Variants in ATP2C1 observed in about 807,000 individuals in gnomAD.
The protein encoded by ATP2C1 is ATPase secretory pathway Ca2+ transporting 1.
ATP2C1 carries 31 observed loss-of-function variants against 120.5 expected under a neutral mutation model. The observed-to-expected ratio is 0.26, with a 90% confidence interval of 0.19 to 0.35. The LOEUF (loss-of-function observed/expected upper bound fraction) is 0.35. Ranked by LOEUF, ATP2C1 falls within the 10% of genes least tolerant of loss-of-function variation. ATP2C1 has a pLI of 1.00. For missense variants in ATP2C1, 731 were observed against 1,107.5 expected, an observed-to-expected ratio of 0.66 and a Z score of 4.83; for synonymous variants, 351 against 358.7, an observed-to-expected ratio of 0.98 and a Z score of 0.24.
intron 1 of ATP2C1, among the ~76,000 whole-genome samples, chr3:130,869,713 A>G (rs1606489): frequency 0.45 from 69,191 of 152,172 alleles, 18,693 homozygotes; most frequent in Non-Finnish European, 0.6. Context: ...ATTCAGAGTA[A>G]GTCTCTAACT....
chr3:130,979,353 C>G lies in ATP2C1; in HGVS notation c.1675C>G (p.Leu559Val). 1 of 1,613,746 alleles carries G rather than the reference C, an allele frequency of 6.2e-7. No homozygotes were observed. Among genetic ancestry groups the G allele is most frequent in the South Asian group, 1.1e-5 (1 of 91,068 alleles). The change falls in exon 19 of 28, where the codon CTC becomes GTC. Residue 559 changes from leucine to valine, a missense_variant. This residue lies in a region of ATP2C1 where 571 missense variants were observed against 845.9 expected (regional missense o/e 0.67). Transcript: ENST00000510168. ...RTGVKEAVTT[L>V]IASGVSIKMI... Reference sequence around the variant, plus strand: ...TGGTGTGAAAGAAGCTGTTACAACACTCATTGCCTCAGGAGTATCAATAAA... The same window carrying G: ...TGGTGTGAAAGAAGCTGTTACAACAGTCATTGCCTCAGGAGTATCAATAAA...
rs1354471688 is a variant in ATP2C1 at position 130,997,766 on chromosome 3, G to A, written c.2391+13G>A. On this transcript the variant is annotated intron_variant, in intron 25 of 27. Transcript: ENST00000510168. ...CTTCTGGCGTGAGGTATATTCACTG[G>A]CCAAGCTGCTATATTAACATGAATT... is the stretch of plus-strand genomic sequence containing the variant. The A allele has an allele frequency of 1.9e-6, 3 of 1,612,388 alleles. No homozygotes were observed. The Admixed American group carries it at 5.0e-5, about 27-fold the overall frequency.
chr3:130,851,078 A>T, intron 1 of ATP2C1: 1 of 404,012 alleles, frequency 2.5e-6, no homozygotes, highest in Non-Finnish European at 4.3e-6. Flanking sequence ...GCAATCAGAA[A>T]GCAAGCAGGC....
chr3:130,980,705 ACTGAAAGGCCTTATT>A (rs1389615271), intron 20 of ATP2C1, 26 bp downstream of exon 20: 1 of 1,489,272 alleles, frequency 6.7e-7, no homozygotes. Context: ...AGCCTTTTGG[ACTGAAAGGCCTTATT>A]CTAAGTGTTA....
At chr3:130,862,156 T>C (rs2068035205) in intron 1 of ATP2C1, among the ~76,000 whole-genome samples, 1 of 150,280 alleles carries the variant, frequency 6.7e-6, no homozygotes, top group African/African-American at 2.4e-5. Context: ...TTTTTTTTTT[T>C]GTATTTTTAG....
chr3:130,982,048 C>A (rs1190892980), intron 20 of ATP2C1, among the ~76,000 whole-genome samples: 1 of 152,036 alleles, frequency 6.6e-6, no homozygotes, highest in Non-Finnish European at 1.5e-5. Flanking sequence ...TTTTCAATTT[C>A]TTCTTTTATG....
intron 20 of ATP2C1, among the ~76,000 whole-genome samples, chr3:130,987,546 G>T (rs2062079337): frequency 6.6e-6 from 1 of 152,030 alleles, no homozygotes; most frequent in Non-Finnish European, 1.5e-5. Context: ...GCCCAGGTTG[G>T]TCTCAAACTC....
intron 2 of ATP2C1, among the ~76,000 whole-genome samples, chr3:130,905,974 A>G (rs2058102246): frequency 6.6e-6 from 1 of 152,058 alleles, no homozygotes; most frequent in South Asian, 2.1e-4. Flanking sequence ...TTTGTTCTGT[A>G]TGCACAGTTT....
At chr3:130,941,830 A>T in intron 8 of ATP2C1, 131 bp downstream of exon 8, 1 of 803,608 alleles carries the variant, frequency 1.2e-6, no homozygotes, top group East Asian at 2.7e-5. Context: ...AATGTGACAT[A>T]TATAAACTTT....
At chr3:130,862,140 ATTTTTTT>A (rs961006271) in intron 1 of ATP2C1, among the ~76,000 whole-genome samples, 3 of 138,268 alleles carry the variant, frequency 2.2e-5, no homozygotes, top group African/African-American at 7.9e-5. Flanking sequence ...TGCCTGGCTA[ATTTTTTT>A]TTTTTTTTTG....
At chr3:131,015,112 T>C (rs766432405) in intron 26 of ATP2C1, 7 of 613,058 alleles carry the variant, frequency 1.1e-5, no homozygotes, top group African/African-American at 1.9e-5. Context: ...ATTAGTCTTA[T>C]TTGTGTTAGC....
At chr3:130,903,700 C>CCCTTTCCTTTCCTTTCCTTT (rs145176420) in intron 2 of ATP2C1, among the ~76,000 whole-genome samples, 2,042 of 138,596 alleles carry the variant, frequency 0.015, 79 homozygotes, top group African/African-American at 0.054. Flanking sequence ...TTCCCCTTTC[C>CCCTTTCCTTTCCTTTCCTTT]CCTTTCCTTT....
At chr3:130,913,202 T>A (rs543353039) in intron 2 of ATP2C1, among the ~76,000 whole-genome samples, 126 of 150,894 alleles carry the variant, frequency 8.4e-4, no homozygotes, top group African/African-American at 2.9e-3. Context: ...CATATGTAAC[T>A]AACCTGCACA....
In ATP2C1 at chr3:130,894,651, G is replaced by C; in HGVS notation, c.-119G>C. On this transcript the variant is annotated 5_prime_UTR_variant, in exon 2 of 28. Coordinates refer to ENST00000510168, the MANE Select transcript of ATP2C1 (RefSeq NM_001378687.1). This position sits in a 1 kb window ranked among gnomAD's most constrained non-coding sequence, Gnocchi z 4.5. Reference sequence around the variant, plus strand: ...CGCGTGGCCGGGAGCGGGGGTGACAGCCTGGGATTCCGGGGGCTTCTCTTC... The same window carrying C: ...CGCGTGGCCGGGAGCGGGGGTGACACCCTGGGATTCCGGGGGCTTCTCTTC... The C allele has an allele frequency of 1.2e-6, 2 of 1,608,076 alleles. No homozygotes were observed. The highest frequency in any genetic ancestry group is 1.7e-6 in the Non-Finnish European group (2 of 1,176,322).
At chr3:131,014,467 C>T in intron 26 of ATP2C1, 7 of 1,317,620 alleles carry the variant, frequency 5.3e-6, no homozygotes, top group South Asian at 1.5e-5. Context: ...ATAGCTTCAA[C>T]AAATGCATCT....
chr3:130,914,347 T>C (rs1485450951), intron 2 of ATP2C1: 1 of 151,934 alleles, frequency 6.6e-6, no homozygotes, highest in African/African-American at 2.4e-5. Context: ...TTGTTTTAAC[T>C]AGTCAAGTGC....
At chr3:130,861,344 G>T (rs943489621) in intron 1 of ATP2C1, among the ~76,000 whole-genome samples, 1 of 152,218 alleles carries the variant, frequency 6.6e-6, no homozygotes, top group Non-Finnish European at 1.5e-5. Context: ...TGGAGGCAGA[G>T]AAATCCCATA....
At chr3:130,941,271 TGTGTGC>T (rs1559951968) in intron 7 of ATP2C1, among the ~76,000 whole-genome samples, 5 of 148,366 alleles carry the variant, frequency 3.4e-5, no homozygotes, top group African/African-American at 1.3e-4. Context: ...TGTGTCTGTG[TGTGTGC>T]GCGCACGCGC....
chr3:130,953,079 ATG>A (rs2060432862), intron 8 of ATP2C1, among the ~76,000 whole-genome samples: 1 of 39,700 alleles, frequency 2.5e-5, no homozygotes, highest in Non-Finnish European at 8.9e-5. Flanking sequence ...ACTTGTTCGT[ATG>A]TATGTATGTA....
Sources: gnomAD v4.1 joint callset for allele counts (sites outside exome capture counted in the v4.1 genomes callset) on GRCh38, gnomAD v4.1.1 for gene constraint, gnomAD v4.1.1 regional missense constraint, Gnocchi (gnomAD v3.1) non-coding constraint, MANE v1.5 for transcripts, NCBI Gene and HGNC (gene_info 2026-07-23, HGNC 2026-07-21) for gene names.